The following GNS variants were observed in gnomAD, a reference collection of about 807,000 sequenced individuals.
GNS encodes N-acetylglucosamine-6-sulfatase.
A neutral mutation model predicts 69.7 loss-of-function variants in GNS; 40 were observed. The observed-to-expected ratio is 0.57, with a 90% confidence interval of 0.45 to 0.75. The LOEUF (loss-of-function observed/expected upper bound fraction) is 0.75. GNS is among the 30% of genes least tolerant of loss of function. The probability of loss-of-function intolerance (pLI) is 0.00; values close to 1 mark genes in which losing one functional copy is unlikely to be tolerated. For synonymous variants in GNS, 243 were observed against 251.6 expected, an observed-to-expected ratio of 0.97 and a Z score of 0.32; for missense variants, 565 against 685.5, an observed-to-expected ratio of 0.82 and a Z score of 1.96.
chr12:64,746,899 G>T (rs923111892), intron 3 of GNS, among the ~76,000 whole-genome samples: 3 of 152,144 alleles, frequency 2.0e-5, no homozygotes, highest in African/African-American at 7.2e-5. Context: ...GGGGAGGGGA[G>T]AATTAACAGA....
At position 64,714,091 on chromosome 12, in the gene GNS, T is replaced by C. The variant is rs1224006421; in HGVS notation, c.*2650A>G. Reference sequence around the variant, plus strand: ...TTGCAGTGAGCCGAGATCACGCCACTGCACTCCAGCCCGGGTGACAACCGC... The same window carrying C: ...TTGCAGTGAGCCGAGATCACGCCACCGCACTCCAGCCCGGGTGACAACCGC... On this transcript the variant is annotated 3_prime_UTR_variant, in exon 14 of 14. Coordinates refer to ENST00000258145, the MANE Select transcript of GNS (RefSeq NM_002076.4). The C allele has an allele frequency of 6.6e-6, 1 of 152,094 alleles. No individual in the cohort carries two copies. The highest frequency in any genetic ancestry group is 1.5e-5 in the Non-Finnish European group (1 of 68,036). The allele number at this position is 152,094 out of a possible 1,614,324, so 9.4% of individuals were successfully genotyped here.
intron 12 of GNS, among the ~76,000 whole-genome samples, chr12:64,721,373 T>C (rs753500614): frequency 6.6e-6 from 1 of 152,192 alleles, no homozygotes; most frequent in Non-Finnish European, 1.5e-5. Context: ...AAGTGTATAT[T>C]TGGGTGGTGG....
chr12:64,745,627 TA>T, intron 4 of GNS, 31 bp downstream of exon 4: 4 of 1,263,208 alleles, frequency 3.2e-6, no homozygotes, highest in Non-Finnish European at 4.7e-6. Flanking sequence ...TAGGGCTGCA[TA>T]AAATTGTCAC....
chr12:64,721,145 T>C (rs1304384334), intron 12 of GNS, among the ~76,000 whole-genome samples: 3 of 152,184 alleles, frequency 2.0e-5, no homozygotes, highest in Non-Finnish European at 4.4e-5. Context: ...CATACCAACC[T>C]GTGTTGGCCA....
At chr12:64,734,031 C>G (rs1018330518) in intron 9 of GNS, among the ~76,000 whole-genome samples, 1 of 152,236 alleles carries the variant, frequency 6.6e-6, no homozygotes, top group Non-Finnish European at 1.5e-5. Flanking sequence ...AACTCACAAG[C>G]CTGTGCCACT....
chr12:64,751,811 A>AACATGTTACT (rs1870085390), intron 2 of GNS, among the ~76,000 whole-genome samples: 1 of 152,000 alleles, frequency 6.6e-6, no homozygotes. Flanking sequence ...ACATGGTGAA[A>AACATGTTACT]CCCCATCTCT....
chr12:64,755,137 T>G (rs1428483474), intron 1 of GNS, among the ~76,000 whole-genome samples: 3 of 152,232 alleles, frequency 2.0e-5, no homozygotes, highest in Non-Finnish European at 4.4e-5. Flanking sequence ...CATGCCTTCA[T>G]GTGGGCAAAC....
At chr12:64,732,046 G>T (rs1236408996) in intron 9 of GNS, among the ~76,000 whole-genome samples, 10 of 151,996 alleles carry the variant, frequency 6.6e-5, no homozygotes, top group African/African-American at 2.2e-4. Context: ...GAGTGCAATG[G>T]TGCGATCTCG....
intron 9 of GNS, among the ~76,000 whole-genome samples, chr12:64,736,746 A>T (rs1226506417): frequency 6.6e-6 from 1 of 152,234 alleles, no homozygotes; most frequent in Non-Finnish European, 1.5e-5. Flanking sequence ...TCCAGAACAA[A>T]GTAAAGATCT....
intron 13 of GNS, among the ~76,000 whole-genome samples, chr12:64,718,803 T>G (rs1436364512): frequency 6.6e-6 from 1 of 152,258 alleles, no homozygotes; most frequent in Non-Finnish European, 1.5e-5. Flanking sequence ...CTAACTTAAT[T>G]TGGTTTAAAA....
chr12:64,742,534 T>A (rs1869778530), intron 6 of GNS, among the ~76,000 whole-genome samples: 1 of 152,226 alleles, frequency 6.6e-6, no homozygotes, highest in African/African-American at 2.4e-5. Flanking sequence ...AGTACTGAGT[T>A]TGACTTTATG....
rs192445969 is a variant in GNS, at chr12:64,729,356, T to C, written c.1099-299A>G. 2.7e-5 allele frequency: 9 copies of C among 336,982 alleles called. No individual in the cohort carries two copies. In the East Asian group the frequency reaches 4.9e-4, roughly 18 times the overall value. 20.9% of individuals were successfully genotyped at this position (336,982 alleles called of 1,614,324 possible). ...AAAACTCCTTTGGGACTGCTTTGAG[T>C]TTGTTGCGAATCATGAGAAAAATGT... is the stretch of plus-strand genomic sequence containing the variant. On this transcript the variant is annotated intron_variant, in intron 9 of 13. Transcript: ENST00000258145.
chr12:64,755,415 T>C (rs966198434), intron 1 of GNS, among the ~76,000 whole-genome samples: 5 of 151,650 alleles, frequency 3.3e-5, no homozygotes, highest in African/African-American at 1.2e-4. Flanking sequence ...CCGTCTCTAC[T>C]AGAAATACAA....
chr12:64,724,624 G>A (rs1249491189), intron 10 of GNS, among the ~76,000 whole-genome samples: 6 of 152,134 alleles, frequency 3.9e-5, no homozygotes, highest in Admixed American at 6.5e-5. Context: ...TCGTGAGGCC[G>A]AGGTGGGTGG....
chr12:64,716,973 G>T (rs556844240), intron 13 of GNS, among the ~76,000 whole-genome samples, 154 bp from the exon 14 acceptor site: 1 of 152,158 alleles, frequency 6.6e-6, no homozygotes, highest in African/African-American at 2.4e-5. Context: ...ATGAGCCCTC[G>T]ACAGTTCCGA....
At chr12:64,733,082 C>T (rs1406971659) in intron 9 of GNS, among the ~76,000 whole-genome samples, 4 of 151,692 alleles carry the variant, frequency 2.6e-5, no homozygotes, top group African/African-American at 9.7e-5. Context: ...CCAGACCAGC[C>T]TGGGCAACAT....
Position 64,752,752 on chromosome 12 carries a change from C to A in GNS, c.198G>T (p.Pro66=), listed in dbSNP as rs1147096. The change falls in exon 2 of 14, where the codon CCG becomes CCT. Residue 66 remains proline (P), a synonymous_variant. Coordinates refer to ENST00000258145, the MANE Select transcript of GNS (RefSeq NM_002076.4). The part of the protein sequence containing the change: ...DQDEVLGGMT[P]LKKTKALIGE... ...CGATGAGAGCTTTGGTTTTCTTTAG[C>A]GGTGTCTGTAAAAGTAAGTAATTAT... The A allele has an allele frequency of 7.6e-6, 11 of 1,455,412 alleles. No homozygotes were observed. In the South Asian group the frequency reaches 1.1e-4, roughly 15 times the overall value. 90.2% of individuals were successfully genotyped at this position (1,455,412 alleles called of 1,614,324 possible). A position where few individuals can be genotyped will look rare whatever the true frequency, so the allele number is the denominator to read the frequency against.
chr12:64,748,960 G>A (rs183374037), intron 2 of GNS, among the ~76,000 whole-genome samples: 2,039 of 152,112 alleles, frequency 0.013, 17 homozygotes, highest in Middle Eastern at 0.054. Context: ...ATTTTTTTGA[G>A]ATGGAGTCTC....
chr12:64,736,072 T>C (rs970469847), intron 9 of GNS, among the ~76,000 whole-genome samples: 1 of 152,262 alleles, frequency 6.6e-6, no homozygotes, highest in African/African-American at 2.4e-5. Flanking sequence ...TATTTGTTCA[T>C]CTTCCTTGGT....
Sources: allele counts gnomAD v4.1 joint callset (sites outside exome capture counted in the v4.1 genomes callset), GRCh38; gene constraint gnomAD v4.1.1; transcripts MANE v1.5; gene names NCBI Gene and HGNC (gene_info 2026-07-23, HGNC 2026-07-21).